AGMO: variants seen among roughly 807,000 people sequenced by gnomAD.
AGMO encodes alkylglycerol monooxygenase, also known as glyceryl-ether monooxygenase.
A neutral mutation model predicts 60.2 loss-of-function variants in AGMO; 75 were observed. The observed-to-expected ratio is 1.25, with a 90% confidence interval of 1.03 to 1.51. AGMO has a LOEUF of 1.51. AGMO is among the 40% of genes most tolerant of loss of function. The pLI is 0.00. For synonymous variants in AGMO, 261 were observed against 177.1 expected (o/e 1.47, Z -3.76); for missense variants, 763 against 525.5 (o/e 1.45, Z -4.42).
chr7:15,386,761 G>C (rs140931983), intron 9 of AGMO, among the ~76,000 whole-genome samples: 32 of 152,218 alleles, frequency 2.1e-4, no homozygotes, highest in African/African-American at 6.5e-4. Context: ...TATTTGATAA[G>C]AAATCACAAC....
At chr7:15,343,591 G>A (rs1781934110) in intron 12 of AGMO, among the ~76,000 whole-genome samples, 2 of 152,128 alleles carry the variant, frequency 1.3e-5, no homozygotes, top group African/African-American at 4.8e-5. Context: ...CAAATTACAA[G>A]AGTAACATCA....
At chr7:15,215,791 G>T (rs1563038793) in intron 12 of AGMO, among the ~76,000 whole-genome samples, 1 of 152,044 alleles carries the variant, frequency 6.6e-6, no homozygotes, top group Non-Finnish European at 1.5e-5. Flanking sequence ...TTAGGAATTT[G>T]GAACTCAGAA....
At chr7:15,433,776 A>G (rs543486823) in intron 3 of AGMO, among the ~76,000 whole-genome samples, 808 of 75,216 alleles carry the variant, frequency 0.011, 9 homozygotes, top group African/African-American at 0.036. Flanking sequence ...ATATTAATAT[A>G]TGTATATGTT....
At chr7:15,253,824 A>G (rs2128507295) in intron 12 of AGMO, among the ~76,000 whole-genome samples, 1 of 152,286 alleles carries the variant, frequency 6.6e-6, no homozygotes, top group Non-Finnish European at 1.5e-5. Context: ...CACCGTAGTC[A>G]TTGACAAGCC....
At chr7:15,165,780 T>G in the AGMO span, among the ~76,000 whole-genome samples, 1 of 152,176 alleles carries the variant, frequency 6.6e-6, no homozygotes, top group East Asian at 1.9e-4. Flanking sequence ...AGGTACTTTT[T>G]CTATAAATGA....
At chr7:15,186,829 G>A in the AGMO span, among the ~76,000 whole-genome samples, 9 of 152,010 alleles carry the variant, frequency 5.9e-5, no homozygotes, top group Non-Finnish European at 1.3e-4. Context: ...TGGTCCCGGC[G>A]CACTTTGCAG....
intron 3 of AGMO, among the ~76,000 whole-genome samples, chr7:15,463,915 T>C (rs1280065856): frequency 6.6e-6 from 1 of 152,178 alleles, no homozygotes; most frequent in East Asian, 1.9e-4. Flanking sequence ...TAAGTCTGGA[T>C]AAAACCCGAT....
At chr7:15,358,677 G>C (rs538286553) in intron 12 of AGMO, among the ~76,000 whole-genome samples, 7 of 152,206 alleles carry the variant, frequency 4.6e-5, no homozygotes, top group Non-Finnish European at 7.4e-5. Flanking sequence ...CCCACTCCTA[G>C]ATAACTCAAA....
chr7:15,181,151 G>C, the AGMO span, among the ~76,000 whole-genome samples: 49,903 of 151,934 alleles, frequency 0.33, 9,740 homozygotes, highest in Middle Eastern at 0.45. Context: ...CATGAGTTTT[G>C]GAGAAGACAT....
intron 12 of AGMO, among the ~76,000 whole-genome samples, chr7:15,232,827 A>ACACACACACACAC (rs765250048): frequency 6.6e-6 from 1 of 151,420 alleles, no homozygotes; most frequent in Admixed American, 6.6e-5. Flanking sequence ...ACACACACAC[A>ACACACACACACAC]AAAACTAAAG....
intron 10 of AGMO, among the ~76,000 whole-genome samples, chr7:15,384,013 G>A (rs980244583): frequency 6.6e-6 from 1 of 151,894 alleles, no homozygotes; most frequent in South Asian, 2.1e-4. Context: ...TCGGCTCACT[G>A]CAAGCTCTGC....
intron 9 of AGMO, among the ~76,000 whole-genome samples, 173 bp downstream of exon 9, chr7:15,387,233 T>C (rs950471286): frequency 6.6e-5 from 10 of 152,374 alleles, no homozygotes; most frequent in African/African-American, 2.4e-4. Flanking sequence ...ACTCCTTTAA[T>C]TGGCACAAAG....
At chr7:15,308,548 T>A (rs940162448) in intron 12 of AGMO, among the ~76,000 whole-genome samples, 3 of 152,126 alleles carry the variant, frequency 2.0e-5, no homozygotes, top group African/African-American at 7.2e-5. Flanking sequence ...TATTTGCTTG[T>A]CTCATTTGTT....
At chr7:15,169,657 G>A in the AGMO span, among the ~76,000 whole-genome samples, 2 of 151,956 alleles carry the variant, frequency 1.3e-5, no homozygotes, top group African/African-American at 2.4e-5. Flanking sequence ...GGCCAGTGTC[G>A]AACTCTTGAC....
At chr7:15,557,451 A>G (rs773072631) in intron 2 of AGMO, among the ~76,000 whole-genome samples, 2 of 152,056 alleles carry the variant, frequency 1.3e-5, no homozygotes, top group African/African-American at 2.4e-5. Flanking sequence ...TGATTTGCAC[A>G]GGGATTCCCC....
At chr7:15,249,103 C>A (rs929350030) in intron 12 of AGMO, among the ~76,000 whole-genome samples, 7 of 152,016 alleles carry the variant, frequency 4.6e-5, no homozygotes, top group Non-Finnish European at 1.0e-4. Context: ...CCATGGATAC[C>A]AAGAAGGTAG....
chr7:15,394,134 TAGG>T lies in AGMO; in HGVS notation c.652_654del (p.Pro218del). The T allele has an allele frequency of 6.2e-7, 1 of 1,612,168 alleles. No homozygotes were observed. Among genetic ancestry groups the T allele is most frequent in the African/African-American group, 1.3e-5 (1 of 74,978 alleles). On this transcript the variant is annotated inframe_deletion, in exon 6 of 13. Transcript: ENST00000342526. ...TTACCATGATGAACCCTATGATGGC[TAGG>T]AGTATTAAGAATCAGTTCCAAAGGA... is the stretch of plus-strand genomic sequence containing the variant.
Position 15,561,935 on chromosome 7 carries a change from C to T in AGMO, c.-90G>A, listed in dbSNP as rs1246613541. The T allele has an allele frequency of 1.7e-5, 23 of 1,370,574 alleles. No individual in the cohort carries two copies. The highest frequency in any genetic ancestry group is 1.2e-4 in the Admixed American group (5 of 43,030). The allele number at this position is 1,370,574 out of a possible 1,614,324, so 84.9% of individuals were successfully genotyped here. A position where few individuals can be genotyped will look rare whatever the true frequency, so the allele number is the denominator to read the frequency against. On this transcript the variant is annotated 5_prime_UTR_variant, in exon 1 of 13. Transcript: ENST00000342526. ...AACAAAGAGGACGAGATGTGCAGCT[C>T]AGAACAAGCTCTTTGTCAGAGAACA...
the AGMO span, among the ~76,000 whole-genome samples, chr7:15,170,420 C>T: frequency 1.3e-5 from 2 of 152,096 alleles, no homozygotes; most frequent in East Asian, 3.9e-4. Context: ...TATAGATAAA[C>T]AAAAAGAAGG....
Sources: gnomAD v4.1 joint callset for allele counts (sites outside exome capture counted in the v4.1 genomes callset) on GRCh38, gnomAD v4.1.1 for gene constraint, MANE v1.5 for transcripts, NCBI Gene and HGNC (gene_info 2026-07-23, HGNC 2026-07-21) for gene names.